Variants in PDCD2L observed in about 807,000 individuals in gnomAD.
PDCD2L encodes the protein uS5 assembly chaperone PDCD2L.
A neutral mutation model predicts 40.4 loss-of-function variants in PDCD2L; 44 were observed. The observed-to-expected ratio is 1.09, with a 90% CI of 0.86 to 1.40. The LOEUF (loss-of-function observed/expected upper bound fraction) is 1.40, where lower values mean the gene tolerates loss of function less well. Ranked by LOEUF, PDCD2L falls within the 40% of genes most tolerant of loss-of-function variation. PDCD2L has a pLI of 0.00. For missense variants in PDCD2L, 470 were observed against 453.7 expected, an observed-to-expected ratio of 1.04 and a Z score of -0.33; for synonymous variants, 194 against 174.6, an observed-to-expected ratio of 1.11 and a Z score of -0.88.
chr19:34,406,643 G>A (rs1031349065), intron 3 of PDCD2L, among the ~76,000 whole-genome samples: 5 of 151,046 alleles, frequency 3.3e-5, no homozygotes, highest in Non-Finnish European at 5.9e-5. Context: ...CACCCACCTC[G>A]GCCTCCCAAA....
At chr19:34,408,615 A>G (rs1423324171) in intron 3 of PDCD2L, among the ~76,000 whole-genome samples, 1 of 152,204 alleles carries the variant, frequency 6.6e-6, no homozygotes, top group East Asian at 1.9e-4. Flanking sequence ...AGGAGCTGCT[A>G]TGCCACCTCT....
chr19:34,405,112 C>A, intron 3 of PDCD2L, 122 bp downstream of exon 3: 1 of 766,300 alleles, frequency 1.3e-6, no homozygotes, highest in Non-Finnish European at 1.9e-6. Flanking sequence ...TTTTGCTTTT[C>A]TGAAGAACCA....
At chr19:34,415,890 C>A (rs965572136) in intron 5 of PDCD2L, among the ~76,000 whole-genome samples, 7 of 152,150 alleles carry the variant, frequency 4.6e-5, no homozygotes, top group Middle Eastern at 3.2e-3. Context: ...CCTTTTCTCT[C>A]ACCTGCCTAA....
At chr19:34,423,477 C>A (rs945987272) in intron 6 of PDCD2L, among the ~76,000 whole-genome samples, 1 of 151,092 alleles carries the variant, frequency 6.6e-6, no homozygotes, top group Admixed American at 6.6e-5. Flanking sequence ...AGCCACCGTG[C>A]CTGGACCCAG....
At chr19:34,424,579 TG>T (rs1834180102) in intron 6 of PDCD2L, among the ~76,000 whole-genome samples, 2 of 152,232 alleles carry the variant, frequency 1.3e-5, no homozygotes, top group South Asian at 2.1e-4. Flanking sequence ...TTTCTTCCCT[TG>T]GGGTGGGCTG....
intron 3 of PDCD2L, among the ~76,000 whole-genome samples, chr19:34,407,859 C>T (rs1173263974): frequency 6.6e-6 from 1 of 152,156 alleles, no homozygotes; most frequent in Admixed American, 6.5e-5. Context: ...TTGGTAGCTG[C>T]AGAACACAAT....
intron 3 of PDCD2L, among the ~76,000 whole-genome samples, chr19:34,405,970 G>A (rs1055114518): frequency 2.0e-5 from 3 of 151,902 alleles, no homozygotes; most frequent in African/African-American, 7.3e-5. Context: ...GCAAAACATC[G>A]TCTCTATAAA....
chr19:34,413,327 ATTTTTTT>A (rs34915589), intron 4 of PDCD2L, among the ~76,000 whole-genome samples: 194 of 98,814 alleles, frequency 2.0e-3, no homozygotes, highest in Non-Finnish European at 3.0e-3. Flanking sequence ...GGCGTGATTG[ATTTTTTT>A]TTTTTTTTTT....
At chr19:34,416,419 G>A (rs1470391897) in intron 5 of PDCD2L, among the ~76,000 whole-genome samples, 2 of 152,150 alleles carry the variant, frequency 1.3e-5, no homozygotes, top group South Asian at 2.1e-4. Flanking sequence ...TGATTGGAAA[G>A]TTAAGAGCAA....
chr19:34,421,418 G>A, intron 5 of PDCD2L, 101 bp from the exon 6 acceptor site: 1 of 1,408,754 alleles, frequency 7.1e-7, no homozygotes, highest in East Asian at 2.3e-5. Flanking sequence ...GCCTCTGGGA[G>A]ATTTCTGCAA....
intron 5 of PDCD2L, among the ~76,000 whole-genome samples, chr19:34,415,575 T>C (rs2075123315): frequency 6.6e-6 from 1 of 152,144 alleles, no homozygotes. Context: ...CCAGACAAAG[T>C]GGGCAGAATT....
chr19:34,410,252 T>C (rs1336601671), intron 4 of PDCD2L, among the ~76,000 whole-genome samples: 3 of 152,164 alleles, frequency 2.0e-5, no homozygotes, highest in East Asian at 1.9e-4. Context: ...CACACCACCA[T>C]GTCTGACCAA....
chr19:34,415,303 G>A (rs754533065), intron 5 of PDCD2L, among the ~76,000 whole-genome samples: 3 of 151,938 alleles, frequency 2.0e-5, no homozygotes, highest in East Asian at 1.9e-4. Context: ...TAGTGGAGAC[G>A]GAGTTTTACC....
chr19:34,424,237 G>A (rs529077487), intron 6 of PDCD2L, among the ~76,000 whole-genome samples: 2 of 152,118 alleles, frequency 1.3e-5, no homozygotes, highest in South Asian at 4.2e-4. Context: ...ATGTAGCTTT[G>A]TAGAGGTATG....
chr19:34,421,521 A>T lies in PDCD2L; in HGVS notation c.800A>T (p.Tyr267Phe). 6.2e-7 allele frequency: 1 copy of T among 1,613,822 alleles called. No individual in the cohort carries two copies. Among genetic ancestry groups the T allele is most frequent in the Non-Finnish European group, 8.5e-7 (1 of 1,179,916 alleles). ...GGTTCTTTGTTTCCTTGTCCTAGGT[A>T]TTCCTGGAGTGGAGAGCCACTCTTT... is the stretch of plus-strand genomic sequence containing the variant. ...IAACQEQILR[Y>F]SWSGEPLFLT... The change falls in exon 6 of 7, where the codon TAT becomes TTT. Residue 267 changes from tyrosine to phenylalanine, a missense_variant and splice_region_variant. Coordinates refer to ENST00000246535, the MANE Select transcript of PDCD2L (RefSeq NM_032346.2).
intron 6 of PDCD2L, among the ~76,000 whole-genome samples, chr19:34,423,568 C>T (rs1385492367): frequency 6.9e-6 from 1 of 145,388 alleles, no homozygotes; most frequent in Non-Finnish European, 1.5e-5. Context: ...TATCTCGGCT[C>T]ATTGCAACCT....
intron 5 of PDCD2L, among the ~76,000 whole-genome samples, chr19:34,420,133 G>A (rs1310256861): frequency 6.6e-6 from 1 of 151,936 alleles, no homozygotes; most frequent in African/African-American, 2.4e-5. Flanking sequence ...TGGGATTACA[G>A]GCACCTGCCA....
At chr19:34,422,700 T>C (rs1032828977) in intron 6 of PDCD2L, among the ~76,000 whole-genome samples, 14 of 151,902 alleles carry the variant, frequency 9.2e-5, no homozygotes, top group Middle Eastern at 3.4e-3. Flanking sequence ...GTGAAGCAGT[T>C]ACTGGATTTT....
intron 4 of PDCD2L, among the ~76,000 whole-genome samples, chr19:34,411,983 T>TATATAA (rs991877760): frequency 2.9e-4 from 42 of 145,294 alleles, no homozygotes; most frequent in Middle Eastern, 7.3e-3. Context: ...TATATATATA[T>TATATAA]AAAATAAATA....
Sources: gnomAD v4.1 joint callset for allele counts (sites outside exome capture counted in the v4.1 genomes callset) on GRCh38, gnomAD v4.1.1 for gene constraint, MANE v1.5 for transcripts, NCBI Gene and HGNC (gene_info 2026-07-23, HGNC 2026-07-21) for gene names.